ROBO2: variants seen among roughly 807,000 people sequenced by gnomAD.
The protein encoded by ROBO2 is roundabout homolog 2.
ROBO2 carries 53 observed loss-of-function variants against 160.8 expected under a neutral mutation model. That is an observed-to-expected ratio of 0.33 (90% CI 0.26 to 0.41). The LOEUF (loss-of-function observed/expected upper bound fraction) is 0.41, where lower values mean the gene tolerates loss of function less well. Ranked by LOEUF, ROBO2 falls within the 10% of genes least tolerant of loss-of-function variation. The pLI is 1.00. For synonymous variants in ROBO2, 664 were observed against 611.7 expected, an observed-to-expected ratio of 1.09 and a Z score of -1.26; for missense variants, 1,577 against 1,722.4, an observed-to-expected ratio of 0.92 and a Z score of 1.49.
chr3:77,218,027 T>G (rs1254278284), intron 2 of ROBO2, among the ~76,000 whole-genome samples: 1 of 152,188 alleles, frequency 6.6e-6, no homozygotes, highest in East Asian at 1.9e-4. Flanking sequence ...GCTTTAAATC[T>G]CCAAAAAGAG....
intron 2 of ROBO2, among the ~76,000 whole-genome samples, chr3:76,843,530 C>T (rs1167095981): frequency 1.3e-5 from 2 of 151,888 alleles, no homozygotes; most frequent in Non-Finnish European, 2.9e-5. Flanking sequence ...ATAATAATTC[C>T]TGCTGCATTA....
At chr3:76,123,010 G>A (rs1418305088) in intron 2 of ROBO2, among the ~76,000 whole-genome samples, 1 of 152,044 alleles carries the variant, frequency 6.6e-6, no homozygotes, top group African/African-American at 2.4e-5. Flanking sequence ...GCCTCCCAAA[G>A]TGTTGGGATT....
chr3:76,104,929 A>C (rs2069854823), intron 2 of ROBO2, among the ~76,000 whole-genome samples: 1 of 152,154 alleles, frequency 6.6e-6, no homozygotes, highest in Admixed American at 6.5e-5. Flanking sequence ...TTTTTCAAGG[A>C]CCAGGTTAAG....
At chr3:77,005,506 G>A (rs1462312211) in intron 2 of ROBO2, among the ~76,000 whole-genome samples, 1 of 152,104 alleles carries the variant, frequency 6.6e-6, no homozygotes, top group Non-Finnish European at 1.5e-5. Flanking sequence ...CTTCAAAATG[G>A]GCTTTATGTT....
intron 2 of ROBO2, among the ~76,000 whole-genome samples, chr3:76,538,610 G>T (rs1294300453): frequency 6.6e-6 from 1 of 152,110 alleles, no homozygotes; most frequent in Non-Finnish European, 1.5e-5. Flanking sequence ...TTTAGAACTG[G>T]GGTACATGTT....
At chr3:75,933,477 C>G (rs1488929832) in intron 1 of ROBO2, among the ~76,000 whole-genome samples, 3 of 151,832 alleles carry the variant, frequency 2.0e-5, no homozygotes, top group African/African-American at 7.3e-5. Flanking sequence ...GGACTATTGC[C>G]AACAGCAATA....
At chr3:77,393,276 T>G (rs917342179) in intron 2 of ROBO2, among the ~76,000 whole-genome samples, 2 of 152,142 alleles carry the variant, frequency 1.3e-5, no homozygotes, top group African/African-American at 2.4e-5. Context: ...GTAAGCAGGA[T>G]GAAAGGTTGC....
intron 12 of ROBO2, among the ~76,000 whole-genome samples, chr3:77,567,479 T>C (rs2093518393): frequency 6.6e-6 from 1 of 152,008 alleles, no homozygotes; most frequent in Admixed American, 6.6e-5. Flanking sequence ...GGACCGAGAA[T>C]ATAAACCATC....
At chr3:77,088,364 A>G (rs987485378) in intron 1 of ROBO2, among the ~76,000 whole-genome samples, 1 of 152,162 alleles carries the variant, frequency 6.6e-6, no homozygotes, top group Admixed American at 6.6e-5. Context: ...TTTATTTTAC[A>G]TAATTAATTA....
chr3:76,969,226 T>C (rs1334289450), intron 2 of ROBO2, among the ~76,000 whole-genome samples: 2 of 152,168 alleles, frequency 1.3e-5, no homozygotes, highest in Non-Finnish European at 2.9e-5. Context: ...GTAAATGTGT[T>C]AATATAAAAA....
chr3:76,891,779 A>G (rs1313325899), intron 2 of ROBO2, among the ~76,000 whole-genome samples: 2 of 152,192 alleles, frequency 1.3e-5, no homozygotes, highest in Non-Finnish European at 2.9e-5. Flanking sequence ...TTTATAGGAG[A>G]CAAAATTTTC....
intron 2 of ROBO2, among the ~76,000 whole-genome samples, chr3:77,382,313 A>T (rs1393277565): frequency 6.6e-6 from 1 of 151,614 alleles, no homozygotes; most frequent in Non-Finnish European, 1.5e-5. Flanking sequence ...AACATTCTAA[A>T]TTACATCGTT....
chr3:77,311,809 G>T (rs1221695689), intron 2 of ROBO2, among the ~76,000 whole-genome samples: 1 of 151,984 alleles, frequency 6.6e-6, no homozygotes, highest in Non-Finnish European at 1.5e-5. Flanking sequence ...ACTCAGGGCC[G>T]GGCGCAGTGG....
At chr3:76,494,771 G>A (rs13072216) in intron 2 of ROBO2, among the ~76,000 whole-genome samples, 1 of 151,984 alleles carries the variant, frequency 6.6e-6, no homozygotes, top group Admixed American at 6.6e-5. Flanking sequence ...AAAGCATTAC[G>A]CTAAGTGAAA....
chr3:77,003,750 A>G (rs537993735), intron 2 of ROBO2, among the ~76,000 whole-genome samples: 70 of 152,214 alleles, frequency 4.6e-4, no homozygotes, highest in Non-Finnish European at 8.5e-4. Flanking sequence ...GAGTTTTGCC[A>G]TGTTGACCAG....
intron 2 of ROBO2, among the ~76,000 whole-genome samples, chr3:76,266,871 T>C (rs1020402399): frequency 6.6e-6 from 1 of 152,166 alleles, no homozygotes; most frequent in African/African-American, 2.4e-5. Flanking sequence ...TTAAGTAACA[T>C]TTTCTTCCCT....
Position 76,741,572 on chromosome 3 carries a change from T to A in ROBO2, c.110-356442T>A, listed in dbSNP as rs528659988. Among the ~76,000 whole-genome samples, 5 of 152,154 alleles carry A rather than the reference T, an allele frequency of 3.3e-5. No homozygotes were observed. In the South Asian group the frequency reaches 1.0e-3, roughly 32 times the overall value. On this transcript the variant is annotated intron_variant, in intron 2 of 26. Coordinates refer to the ROBO2 transcript ENST00000487694. Reference sequence around the variant, plus strand: ...TGAAAAAGATAGTTGATTGAGGAGGTAATAAAAACAGACTTTCATTTACAT... The same window carrying A: ...TGAAAAAGATAGTTGATTGAGGAGGAAATAAAAACAGACTTTCATTTACAT...
At chr3:76,203,363 C>T (rs746739076) in intron 2 of ROBO2, among the ~76,000 whole-genome samples, 1 of 151,958 alleles carries the variant, frequency 6.6e-6, no homozygotes, top group Non-Finnish European at 1.5e-5. Flanking sequence ...CCCCTGTCAA[C>T]AGATCACAGG....
chr3:76,225,745 A>C (rs1396620051), intron 2 of ROBO2, among the ~76,000 whole-genome samples: 1 of 152,126 alleles, frequency 6.6e-6, no homozygotes, highest in Non-Finnish European at 1.5e-5. Context: ...AAATAAAATA[A>C]AAATTCATTT....
Sources: allele counts gnomAD v4.1 joint callset (sites outside exome capture counted in the v4.1 genomes callset), GRCh38; gene constraint gnomAD v4.1.1; transcripts MANE v1.5; gene names NCBI Gene and HGNC (gene_info 2026-07-23, HGNC 2026-07-21).